SNTG2: variants seen among roughly 807,000 people sequenced by gnomAD.
SNTG2 encodes gamma-2-syntrophin.
SNTG2 carries 74 observed loss-of-function variants against 70.9 expected under a neutral mutation model. The ratio of observed to expected loss-of-function variants is 1.04; its 90% confidence interval spans 0.86 to 1.27. The LOEUF (loss-of-function observed/expected upper bound fraction) is 1.27. Ranked by LOEUF, SNTG2 falls within the 50% of genes most tolerant of loss-of-function variation. The probability of loss-of-function intolerance (pLI) is 0.00; values close to 1 mark genes in which losing one functional copy is unlikely to be tolerated. For missense variants in SNTG2, 717 were observed against 690.7 expected (o/e 1.04, Z -0.43); for synonymous variants, 278 against 273.8 (o/e 1.02, Z -0.15).
At chr2:1,266,432 G>T (rs1678738809) in intron 13 of SNTG2, among the ~76,000 whole-genome samples, 1 of 152,200 alleles carries the variant, frequency 6.6e-6, no homozygotes, top group Non-Finnish European at 1.5e-5. Context: ...TAATAGACGT[G>T]CTGTAAGTAA....
intron 1 of SNTG2, among the ~76,000 whole-genome samples, chr2:1,026,518 GA>G (rs1372307173): frequency 3.9e-5 from 6 of 152,012 alleles, no homozygotes; most frequent in East Asian, 3.9e-4. Flanking sequence ...AAACTGCTAG[GA>G]AAAAAAGTGA....
At position 1,173,043 on chromosome 2, in the gene SNTG2, G is replaced by A; in HGVS notation, c.500-49G>A. 4 of 1,542,490 alleles carry A rather than the reference G, an allele frequency of 2.6e-6. 1 individual carries two copies. In the South Asian group the frequency reaches 4.5e-5, roughly 17 times the overall value. On this transcript the variant is annotated intron_variant, in intron 7 of 16. Transcript: ENST00000308624. ...TGAAGTCACTGCATGGTCACAGTGTGCTTTGTCAGTGGCACCAATTGGAAG... is the reference window on the plus strand; with the variant it reads ...TGAAGTCACTGCATGGTCACAGTGTACTTTGTCAGTGGCACCAATTGGAAG...
At chr2:1,255,070 G>A (rs62108691) in intron 12 of SNTG2, among the ~76,000 whole-genome samples, 13,656 of 152,162 alleles carry the variant, frequency 0.09, 689 homozygotes, top group South Asian at 0.15. Context: ...CTGGAAAATC[G>A]TGTAAACTAA....
chr2:1,346,673 C>T (rs1660299795), intron 16 of SNTG2: 1 of 152,224 alleles, frequency 6.6e-6, no homozygotes, highest in African/African-American at 2.4e-5. Context: ...ACACAGTCTC[C>T]TGAGGTCCCA....
intron 8 of SNTG2, among the ~76,000 whole-genome samples, chr2:1,183,681 A>G (rs905552411): frequency 1.3e-5 from 2 of 152,216 alleles, no homozygotes; most frequent in African/African-American, 4.8e-5. Flanking sequence ...GTGTGTACAC[A>G]TATAAAACAA....
chr2:1,250,762 C>T (rs1171601785), intron 12 of SNTG2, among the ~76,000 whole-genome samples: 5 of 151,992 alleles, frequency 3.3e-5, no homozygotes, highest in African/African-American at 1.2e-4. Flanking sequence ...CTTCTCTGCC[C>T]ACTCTTTGCT....
intron 2 of SNTG2, among the ~76,000 whole-genome samples, chr2:1,091,700 A>G (rs377625727): frequency 1.3e-5 from 2 of 152,338 alleles, no homozygotes; most frequent in East Asian, 3.9e-4. Context: ...CAACTCCTCA[A>G]GAAGGTGGAA....
chr2:1,093,766 G>A (rs761665682), intron 2 of SNTG2, among the ~76,000 whole-genome samples: 3 of 152,240 alleles, frequency 2.0e-5, no homozygotes, highest in Non-Finnish European at 4.4e-5. Context: ...CTTCACTCCT[G>A]TTGAGGCAGC....
chr2:972,053 G>T (rs775752613), intron 1 of SNTG2, among the ~76,000 whole-genome samples: 2 of 152,028 alleles, frequency 1.3e-5, no homozygotes, highest in Non-Finnish European at 2.9e-5. Flanking sequence ...TTGTTTTATG[G>T]TCTATTGTGT....
chr2:1,249,497 C>T (rs1205196348), intron 12 of SNTG2, among the ~76,000 whole-genome samples: 1 of 152,132 alleles, frequency 6.6e-6, no homozygotes, highest in African/African-American at 2.4e-5. Flanking sequence ...ACTGAAAATC[C>T]AGAGTGCAGG....
At chr2:991,885 A>G (rs1370939441) in intron 1 of SNTG2, among the ~76,000 whole-genome samples, 1 of 152,136 alleles carries the variant, frequency 6.6e-6, no homozygotes, top group Non-Finnish European at 1.5e-5. Flanking sequence ...CTGGGAGAGG[A>G]ATTAATTTTG....
chr2:1,152,098 T>C lies in SNTG2; in HGVS notation c.412-13450T>C, dbSNP rs549406745. Among the ~76,000 whole-genome samples the C allele has an allele frequency of 7.9e-5, 12 of 152,330 alleles. No homozygotes were observed. The South Asian group carries it at 2.3e-3, about 29-fold the overall frequency. On this transcript the variant is annotated intron_variant, in intron 6 of 16. Coordinates refer to ENST00000308624, the MANE Select transcript of SNTG2 (RefSeq NM_018968.4). ...ACATCATGTGTAGTTCTGGCATTAT[T>C]TATCTGGATTATAAAGAGATCATCA...
intron 1 of SNTG2, among the ~76,000 whole-genome samples, chr2:1,015,670 A>G (rs2148001969): frequency 6.6e-6 from 1 of 152,370 alleles, no homozygotes. Context: ...ACTGAAAAAT[A>G]AAACGTGTTA....
At chr2:1,329,818 G>T (rs190703793) in intron 16 of SNTG2, among the ~76,000 whole-genome samples, 1 of 152,152 alleles carries the variant, frequency 6.6e-6, no homozygotes, top group Non-Finnish European at 1.5e-5. Context: ...GGAGGCCTCG[G>T]AAGTTTTTCT....
intron 6 of SNTG2, among the ~76,000 whole-genome samples, chr2:1,156,977 T>G (rs1481419272): frequency 1.3e-5 from 2 of 152,068 alleles, no homozygotes; most frequent in African/African-American, 2.4e-5. Context: ...TCCCTGGTTA[T>G]CCATAGAAAT....
intron 9 of SNTG2, among the ~76,000 whole-genome samples, chr2:1,210,027 T>C (rs1366840189): frequency 6.6e-6 from 1 of 152,164 alleles, no homozygotes; most frequent in East Asian, 1.9e-4. Context: ...GTATGTATGA[T>C]GGGCAGACAG....
intron 1 of SNTG2, among the ~76,000 whole-genome samples, chr2:1,077,916 AGACCTCCTGGTGCT>A (rs1206684879): frequency 6.6e-6 from 1 of 152,138 alleles, no homozygotes; most frequent in Middle Eastern, 3.4e-3. Flanking sequence ...CAGGTACCCG[AGACCTCCTGGTGCT>A]GACGCGGGTT....
intron 1 of SNTG2, among the ~76,000 whole-genome samples, chr2:966,508 G>T (rs1194717624): frequency 1.3e-5 from 2 of 151,910 alleles, no homozygotes; most frequent in African/African-American, 4.8e-5. Context: ...TTTGAGATTT[G>T]TAAAGGCTTT....
intron 9 of SNTG2, among the ~76,000 whole-genome samples, chr2:1,221,057 C>G (rs976406656): frequency 1.1e-4 from 16 of 152,374 alleles, no homozygotes; most frequent in African/African-American, 3.8e-4. Context: ...ACTGCATCTG[C>G]TCCTTCTTTC....
Sources: gnomAD v4.1 joint callset for allele counts (sites outside exome capture counted in the v4.1 genomes callset) on GRCh38, gnomAD v4.1.1 for gene constraint, MANE v1.5 for transcripts, NCBI Gene and HGNC (gene_info 2026-07-23, HGNC 2026-07-21) for gene names.